Variants in GABBR2 observed in about 807,000 individuals in gnomAD.
The protein encoded by GABBR2 is G-protein coupled receptor 51.
A neutral mutation model predicts 105.6 loss-of-function variants in GABBR2; 23 were observed. The ratio of observed to expected loss-of-function variants is 0.22; its 90% CI spans 0.16 to 0.31. The LOEUF is 0.31. Ranked by LOEUF, GABBR2 falls within the 10% of genes least tolerant of loss-of-function variation. The pLI is 1.00. For missense variants in GABBR2, 734 were observed against 1,245.5 expected (o/e 0.59, Z 6.18); for synonymous variants, 478 against 499.7 (o/e 0.96, Z 0.58).
intron 3 of GABBR2, among the ~76,000 whole-genome samples, chr9:98,532,383 T>C (rs1828083419): frequency 6.6e-6 from 1 of 152,212 alleles, no homozygotes. Context: ...CATTGGCAAG[T>C]TCTTCAGATA....
rs2131631023 is a variant in GABBR2 at position 98,473,285 on chromosome 9, G to A, written c.860C>T (p.Pro287Leu). ...YQWIIPGWYE[P>L]SWWEQVHTEA... ...CGTGTGCACCTGCTCCCACCAAGAAGGCTCGTACCAGCCCGGAATGATCCA... is the reference window on the plus strand; with the variant it reads ...CGTGTGCACCTGCTCCCACCAAGAAAGCTCGTACCAGCCCGGAATGATCCA... Residue 287 changes from proline (P) to leucine (L), a missense_variant, in exon 6 of 19, where the codon CCT becomes CTT. Around this residue, in one of 7 missense-constraint regions of GABBR2, gnomAD observed 370 missense variants for 648.9 expected, o/e 0.57. Transcript: ENST00000259455. 6.2e-7 allele frequency: 1 copy of A among 1,613,758 alleles called. No homozygotes were observed. The highest frequency in any genetic ancestry group is 8.5e-7 in the Non-Finnish European group (1 of 1,179,784).
intron 13 of GABBR2, among the ~76,000 whole-genome samples, chr9:98,322,276 G>T (rs1434803925): frequency 1.3e-5 from 2 of 152,170 alleles, no homozygotes; most frequent in Non-Finnish European, 1.5e-5. Context: ...CCCACTGTCT[G>T]CCCAGGTGAG....
At chr9:98,419,424 T>C (rs929352127) in intron 7 of GABBR2, among the ~76,000 whole-genome samples, 2 of 152,140 alleles carry the variant, frequency 1.3e-5, no homozygotes, top group South Asian at 4.2e-4. Flanking sequence ...AGAACCTCCA[T>C]GTGTTTCTGG....
chr9:98,293,347 A>G (rs1830330656), intron 18 of GABBR2, among the ~76,000 whole-genome samples: 1 of 152,158 alleles, frequency 6.6e-6, no homozygotes, highest in Non-Finnish European at 1.5e-5. Flanking sequence ...TTAAGCTATC[A>G]GCCTCCTAGA....
At chr9:98,353,323 T>C (rs1237399703) in intron 13 of GABBR2, among the ~76,000 whole-genome samples, 1 of 152,222 alleles carries the variant, frequency 6.6e-6, no homozygotes, top group East Asian at 1.9e-4. Context: ...TATCTTGCTA[T>C]TTCCACCAGA....
intron 1 of GABBR2, among the ~76,000 whole-genome samples, chr9:98,705,258 A>G (rs528243396): frequency 6.6e-6 from 1 of 152,240 alleles, no homozygotes. Flanking sequence ...ATAGACAGGT[A>G]TTCTGTTAGG....
rs560184668 is a variant in GABBR2, at chr9:98,591,613, C to T, written c.322-13541G>A. Among the ~76,000 whole-genome samples the T allele has an allele frequency of 2.9e-4, 44 of 152,254 alleles. 2 individuals carry two copies. The South Asian group carries it at 6.6e-3, about 23-fold the overall frequency. ...GCTTGGCAAGCAACTTGGCCTAGCACCCCTAGGAGAGACATGTGTCCACTG... is the reference window on the plus strand; with the variant it reads ...GCTTGGCAAGCAACTTGGCCTAGCATCCCTAGGAGAGACATGTGTCCACTG... On this transcript the variant is annotated intron_variant, in intron 1 of 18. Coordinates refer to ENST00000259455, the MANE Select transcript of GABBR2 (RefSeq NM_005458.8).
chr9:98,438,861 A>G (rs1257068121), intron 7 of GABBR2, among the ~76,000 whole-genome samples: 2 of 152,146 alleles, frequency 1.3e-5, no homozygotes, highest in Non-Finnish European at 2.9e-5. Flanking sequence ...AAGAAAATCA[A>G]TGTGCTGCTG....
intron 1 of GABBR2, among the ~76,000 whole-genome samples, chr9:98,700,038 G>A (rs767599289): frequency 2.0e-5 from 3 of 152,126 alleles, no homozygotes; most frequent in Non-Finnish European, 4.4e-5. Flanking sequence ...CAGGTGCCTG[G>A]AGAAGGGGAA....
intron 1 of GABBR2, among the ~76,000 whole-genome samples, chr9:98,703,656 C>G (rs1239060678): frequency 1.3e-5 from 2 of 151,888 alleles, no homozygotes; most frequent in Non-Finnish European, 2.9e-5. Context: ...CCATGTCAGG[C>G]TAATTTTTTA....
In GABBR2 at chr9:98,402,875, AC is replaced by A. The variant is rs772131316; in HGVS notation, c.1297+3205del. Among the ~76,000 whole-genome samples, 45 of 152,046 alleles carry A rather than the reference AC, an allele frequency of 3.0e-4. 2 individuals are homozygous for A. The highest frequency in any genetic ancestry group is 1.3e-4 in the Non-Finnish European group (9 of 68,004). On this transcript the variant is annotated intron_variant, in intron 8 of 18. Transcript: ENST00000259455. ...TCCTGGTAGATAAGGCACCTCTGAA[AC>A]CCTTTACATTTGGAAAACCAACTGT...
At chr9:98,455,966 C>G (rs1030769881) in intron 6 of GABBR2, among the ~76,000 whole-genome samples, 1 of 152,200 alleles carries the variant, frequency 6.6e-6, no homozygotes, top group African/African-American at 2.4e-5. Context: ...AATGCATCCT[C>G]TCTAGCTACC....
At chr9:98,412,140 T>C (rs1832601687) in intron 7 of GABBR2, among the ~76,000 whole-genome samples, 1 of 152,216 alleles carries the variant, frequency 6.6e-6, no homozygotes, top group Non-Finnish European at 1.5e-5. Context: ...AGAGATACTC[T>C]CCCTGAGAAC....
intron 2 of GABBR2, among the ~76,000 whole-genome samples, chr9:98,561,763 A>T (rs1247040185): frequency 1.3e-5 from 2 of 152,214 alleles, no homozygotes; most frequent in African/African-American, 4.8e-5. Flanking sequence ...ATGTGCCTAT[A>T]ATCCCAGCTA....
intron 13 of GABBR2, among the ~76,000 whole-genome samples, chr9:98,331,505 C>T: frequency 6.6e-6 from 1 of 150,382 alleles, no homozygotes; most frequent in Non-Finnish European, 1.5e-5. Context: ...TAGCACTTGC[C>T]ACCTACACTG....
chr9:98,497,857 T>C (rs930282642), intron 3 of GABBR2, among the ~76,000 whole-genome samples: 2 of 152,174 alleles, frequency 1.3e-5, no homozygotes, highest in Non-Finnish European at 2.9e-5. Flanking sequence ...AATTACCACA[T>C]GATCCAGCAA....
chr9:98,651,153 T>TG (rs974569863), intron 1 of GABBR2, among the ~76,000 whole-genome samples: 2 of 150,770 alleles, frequency 1.3e-5, no homozygotes, highest in African/African-American at 2.4e-5. Context: ...TTTTTTTTTT[T>TG]TTTTTTTTTT....
intron 3 of GABBR2, among the ~76,000 whole-genome samples, chr9:98,520,019 A>G (rs1462670937): frequency 1.3e-5 from 2 of 152,176 alleles, no homozygotes; most frequent in African/African-American, 4.8e-5. Flanking sequence ...CTAGCATGCT[A>G]GCTATGTCCC....
At chr9:98,700,904 G>A (rs1830821995) in intron 1 of GABBR2, among the ~76,000 whole-genome samples, 1 of 152,198 alleles carries the variant, frequency 6.6e-6, no homozygotes, top group Non-Finnish European at 1.5e-5. Flanking sequence ...TTACCACCTG[G>A]AGGAGAGCCA....
Sources: gnomAD v4.1 joint callset for allele counts (sites outside exome capture counted in the v4.1 genomes callset) on GRCh38, gnomAD v4.1.1 for gene constraint, gnomAD v4.1.1 regional missense constraint, MANE v1.5 for transcripts, NCBI Gene and HGNC (gene_info 2026-07-23, HGNC 2026-07-21) for gene names.